PPIP5K2: variants seen among roughly 807,000 people sequenced by gnomAD.
PPIP5K2 encodes the protein inositol hexakisphosphate and diphosphoinositol-pentakisphosphate kinase 2.
A neutral mutation model predicts 154.6 loss-of-function variants in PPIP5K2; 105 were observed. That is an observed-to-expected ratio of 0.68 (90% CI 0.58 to 0.80). The LOEUF (loss-of-function observed/expected upper bound fraction) is 0.80, where lower values mean the gene tolerates loss of function less well. Ranked by LOEUF, PPIP5K2 falls within the 30% of genes least tolerant of loss-of-function variation. PPIP5K2 has a pLI of 0.00. For synonymous variants in PPIP5K2, 480 were observed against 490.3 expected, an observed-to-expected ratio of 0.98 and a Z score of 0.28; for missense variants, 992 against 1,504.6, an observed-to-expected ratio of 0.66 and a Z score of 5.64.
chr5:103,183,351 CCT>C lies in PPIP5K2; in HGVS notation c.3041_3042del (p.Pro1014ArgfsTer22), dbSNP rs868906127. The C allele has an allele frequency of 2.5e-6, 4 of 1,610,826 alleles. No individual in the cohort carries two copies. In the African/African-American group the frequency reaches 5.4e-5, roughly 22 times the overall value. On this transcript the variant is annotated frameshift_variant, in exon 25 of 31. Coordinates refer to ENST00000358359, the MANE Select transcript of PPIP5K2 (RefSeq NM_001276277.3). LOFTEE classifies it high-confidence loss of function. ...ATCAGGGGAACAAATCACTTCTTCCCCTGTCTCCCCCAAATCATTGGCTTTCA... is the reference window on the plus strand; with the variant it reads ...ATCAGGGGAACAAATCACTTCTTCCCGTCTCCCCCAAATCATTGGCTTTCA... ...RRSGEQITSS[P>X]VSPKSLAFTS...
In PPIP5K2 at chr5:103,146,669, ACT is replaced by A. The variant is rs1793802796; in HGVS notation, c.633_634del (p.Phe212Ter). Reference protein sequence around the residue: ...PTSAGGGSQRLFRKIGSRSSV... With the variant: ...PTSAGGGSQRXFRKIGSRSSV... ...CTTCTGCTGGTGGTGGAAGTCAAAGACTCTTTAGAAAGGTAACACCTTTGTAA... is the reference window on the plus strand; with the variant it reads ...CTTCTGCTGGTGGTGGAAGTCAAAGACTTTAGAAAGGTAACACCTTTGTAA... On this transcript the variant is annotated frameshift_variant, in exon 6 of 31. Transcript: ENST00000358359. LOFTEE classifies it high-confidence loss of function. 5 of 1,609,568 alleles carry A rather than the reference ACT, an allele frequency of 3.1e-6. No individual in the cohort carries two copies. In the African/African-American group the frequency reaches 6.7e-5, roughly 22 times the overall value.
intron 17 of PPIP5K2, among the ~76,000 whole-genome samples, chr5:103,165,745 G>A (rs1167124434): frequency 3.9e-5 from 6 of 152,090 alleles, no homozygotes; most frequent in African/African-American, 1.4e-4. Flanking sequence ...TGATGTTGAA[G>A]ATGAAGCCCT....
chr5:103,140,122 G>A (rs1333650409), intron 5 of PPIP5K2, among the ~76,000 whole-genome samples: 2 of 146,404 alleles, frequency 1.4e-5, no homozygotes, highest in African/African-American at 5.1e-5. Context: ...TGGGACCTAC[G>A]TAGTTAATAA....
intron 17 of PPIP5K2, 130 bp from the exon 18 acceptor site, chr5:103,167,049 T>TTA (rs1797241790): frequency 1.9e-5 from 12 of 647,334 alleles, no homozygotes; most frequent in Non-Finnish European, 2.9e-5. Flanking sequence ...GGGTCAACTG[T>TTA]ATTTTGTGGT....
chr5:103,154,967 A>T, intron 13 of PPIP5K2, 24 bp downstream of exon 13: 1 of 1,422,046 alleles, frequency 7.0e-7, no homozygotes, highest in Non-Finnish European at 9.6e-7. Flanking sequence ...TGAAACGCTT[A>T]ATTGTGGTAC....
intron 29 of PPIP5K2, among the ~76,000 whole-genome samples, chr5:103,192,102 C>G (rs1801338091): frequency 6.6e-6 from 1 of 151,938 alleles, no homozygotes; most frequent in Admixed American, 6.6e-5. Context: ...AAGTAGTGAC[C>G]TTTCCCTTTT....
intron 1 of PPIP5K2, among the ~76,000 whole-genome samples, chr5:103,121,375 A>G (rs1788697106): frequency 6.6e-6 from 1 of 152,176 alleles, no homozygotes; most frequent in African/African-American, 2.4e-5. Context: ...GATTATTATC[A>G]CCATTTTACA....
At chr5:103,156,512 G>C (rs1380596072) in intron 14 of PPIP5K2, among the ~76,000 whole-genome samples, 1 of 152,148 alleles carries the variant, frequency 6.6e-6, no homozygotes, top group Non-Finnish European at 1.5e-5. Flanking sequence ...AAAGAAAAGG[G>C]TAGGGATTGG....
In PPIP5K2 at chr5:103,201,658, T is replaced by C. The variant is rs1554230547; in HGVS notation, c.*24T>C. 6.9e-7 allele frequency: 1 copy of C among 1,455,202 alleles called. No homozygotes were observed. The highest frequency in any genetic ancestry group is 9.5e-7 in the Non-Finnish European group (1 of 1,050,686). 90.1% of individuals were successfully genotyped at this position (1,455,202 alleles called of 1,614,324 possible). ...GAAATCTTAGCAGAAGCTGGAACTT[T>C]TTATACTTATAAAAATAGTATGTTC... is the stretch of plus-strand genomic sequence containing the variant. On this transcript the variant is annotated 3_prime_UTR_variant, in exon 31 of 31. Transcript: ENST00000358359.
chr5:103,143,727 A>G (rs1793247748), intron 5 of PPIP5K2, among the ~76,000 whole-genome samples: 1 of 152,208 alleles, frequency 6.6e-6, no homozygotes, highest in Non-Finnish European at 1.5e-5. Context: ...ATTTGATAAA[A>G]TTAAACATCC....
At position 103,173,202 on chromosome 5, in the gene PPIP5K2, C is replaced by T; in HGVS notation, c.2334C>T (p.Tyr778=). ...KAEKLEIAKG[Y]CTPLVRKIRS... ...AAAAACTGGAGATTGCCAAAGGCTACTGTACTCCTCTGGTTAGAAAAATTC... is the reference window on the plus strand; with the variant it reads ...AAAAACTGGAGATTGCCAAAGGCTATTGTACTCCTCTGGTTAGAAAAATTC... Residue 778 remains tyrosine (Y), a synonymous_variant, in exon 20 of 31, where the codon TAC becomes TAT. Coordinates refer to ENST00000358359, the MANE Select transcript of PPIP5K2 (RefSeq NM_001276277.3). The T allele has an allele frequency of 6.2e-7, 1 of 1,610,920 alleles. No individual in the cohort carries two copies. Among genetic ancestry groups the T allele is most frequent in the Non-Finnish European group, 8.5e-7 (1 of 1,178,036 alleles).
chr5:103,127,891 A>T (rs1789966469), intron 1 of PPIP5K2, among the ~76,000 whole-genome samples: 1 of 152,102 alleles, frequency 6.6e-6, no homozygotes, highest in African/African-American at 2.4e-5. Flanking sequence ...ACTGAGATCA[A>T]CTTATCCACC....
chr5:103,160,887 A>T (rs1184899438), intron 17 of PPIP5K2, among the ~76,000 whole-genome samples: 2 of 150,578 alleles, frequency 1.3e-5, no homozygotes, highest in African/African-American at 4.9e-5. Context: ...TATTGTGACC[A>T]TGGTATACTT....
intron 17 of PPIP5K2, among the ~76,000 whole-genome samples, chr5:103,159,744 A>T (rs1554215019): frequency 6.6e-6 from 1 of 152,222 alleles, no homozygotes; most frequent in Non-Finnish European, 1.5e-5. Context: ...AAGCTAATTA[A>T]CATATGTATT....
At chr5:103,124,007 G>A (rs147515909) in intron 1 of PPIP5K2, among the ~76,000 whole-genome samples, 11 of 152,156 alleles carry the variant, frequency 7.2e-5, no homozygotes, top group Admixed American at 4.6e-4. Context: ...TTGGCCGGGC[G>A]CGGTGGCTCA....
At chr5:103,143,055 C>A (rs1163553057) in intron 5 of PPIP5K2, among the ~76,000 whole-genome samples, 1 of 151,972 alleles carries the variant, frequency 6.6e-6, no homozygotes, top group Non-Finnish European at 1.5e-5. Context: ...TTTTTATTTT[C>A]TTTGTAATCA....
intron 1 of PPIP5K2, among the ~76,000 whole-genome samples, chr5:103,123,103 C>T (rs1789050491): frequency 1.3e-5 from 2 of 152,130 alleles, no homozygotes; most frequent in Admixed American, 1.3e-4. Flanking sequence ...ATATTTGTTC[C>T]TTGCCAATTA....
intron 5 of PPIP5K2, among the ~76,000 whole-genome samples, chr5:103,142,539 G>C (rs1459868994): frequency 6.6e-6 from 1 of 152,234 alleles, no homozygotes; most frequent in Non-Finnish European, 1.5e-5. Context: ...TGGAAGCCCA[G>C]GCAGAGGAGG....
chr5:103,189,121 G>C (rs1554226062), intron 28 of PPIP5K2: 1 of 1,399,560 alleles, frequency 7.1e-7, no homozygotes, highest in Admixed American at 2.0e-5. Context: ...GGTGAAACAA[G>C]TATCTTCTGA....
Sources: allele counts gnomAD v4.1 joint callset (sites outside exome capture counted in the v4.1 genomes callset), GRCh38; gene constraint gnomAD v4.1.1; transcripts MANE v1.5; gene names NCBI Gene and HGNC (gene_info 2026-07-23, HGNC 2026-07-21).